RANBP2: variants seen among roughly 807,000 people sequenced by gnomAD.
The protein encoded by RANBP2 is E3 SUMO-protein ligase RanBP2.
RANBP2 carries 57 observed loss-of-function variants against 303.6 expected under a neutral mutation model. The observed-to-expected ratio is 0.19, with a 90% confidence interval of 0.15 to 0.23. The LOEUF is 0.23. Among genes scored for constraint, RANBP2 ranks in the 10% least tolerant of loss-of-function variants. The probability of loss-of-function intolerance (pLI) is 1.00; values close to 1 mark genes in which losing one functional copy is unlikely to be tolerated. For missense variants in RANBP2, 3,138 were observed against 3,780.8 expected (o/e 0.83, Z 4.46); for synonymous variants, 1,167 against 1,301.5 (o/e 0.90, Z 2.23).
chr2:108,784,244 A>G lies in RANBP2; in HGVS notation c.*343A>G, dbSNP rs756337659. ...TTTTAATTCCTTTTAAGATATTTGG[A>G]CTTCCTGCATGGATATACTTACCAT... On this transcript the variant is annotated 3_prime_UTR_variant, in exon 29 of 29. Coordinates refer to ENST00000283195, the MANE Select transcript of RANBP2 (RefSeq NM_006267.5). The G allele has an allele frequency of 1.0e-5, 2 of 200,502 alleles. No individual in the cohort carries two copies. Among genetic ancestry groups the G allele is most frequent in the Non-Finnish European group, 2.1e-5 (2 of 97,050 alleles). The allele number at this position is 200,502 out of a possible 1,614,324, so 12.4% of individuals were successfully genotyped here.
chr2:109,481,153 A>T, the RANBP2 span, among the ~76,000 whole-genome samples: 1 of 152,328 alleles, frequency 6.6e-6, no homozygotes, highest in East Asian at 1.9e-4. Flanking sequence ...CAAGAAATCC[A>T]TGAGAGGGGA....
In RANBP2 at chr2:108,764,791, C is replaced by G; in HGVS notation, c.4252C>G (p.His1418Asp). The G allele has an allele frequency of 6.2e-7, 1 of 1,613,994 alleles. No individual in the cohort carries two copies. ...FALVTPKKEG[H>D]WDCSICLVRN... is the part of the protein sequence containing the mutation. ...ATTGGTGACTCCAAAGAAAGAAGGT[C>G]ACTGGGATTGTAGTATTTGTTTAGT... The change falls in exon 20 of 29, where the codon CAC becomes GAC. Residue 1418 changes from histidine to aspartate, a missense_variant. Coordinates refer to ENST00000283195, the MANE Select transcript of RANBP2 (RefSeq NM_006267.5).
At chr2:109,318,709 G>T in the RANBP2 span, among the ~76,000 whole-genome samples, 5 of 152,118 alleles carry the variant, frequency 3.3e-5, no homozygotes, top group East Asian at 7.7e-4. Context: ...GCCAGAATCC[G>T]GGGCTGCCCT....
the RANBP2 span, among the ~76,000 whole-genome samples, chr2:108,843,713 G>C: frequency 6.6e-6 from 1 of 151,846 alleles, no homozygotes; most frequent in East Asian, 1.9e-4. Flanking sequence ...TTATAAGTTT[G>C]ACTATGATGG....
Position 108,764,528 on chromosome 2 carries a change from A to C in RANBP2, c.3989A>C (p.Asp1330Ala), listed in dbSNP as rs762478991. The C allele has an allele frequency of 6.2e-7, 1 of 1,614,018 alleles. No individual in the cohort carries two copies. Among genetic ancestry groups the C allele is most frequent in the Non-Finnish European group, 8.5e-7 (1 of 1,179,948 alleles). The change falls in exon 20 of 29, where the codon GAT (aspartate) becomes GCT (alanine). Residue 1330 changes from aspartate to alanine, a missense_variant. By Grantham distance (126) the Asp-to-Ala change is moderately radical (BLOSUM62 -2). Coordinates refer to ENST00000283195, the MANE Select transcript of RANBP2 (RefSeq NM_006267.5). The stretch of plus-strand genomic sequence containing the variant: ...ATTGTAAAAGAACCCACAAGTCATG[A>C]TAACAAGGATATTTGCAAATCTGAT... ...VRIVKEPTSH[D>A]NKDICKSDAG...
chr2:109,607,288 T>C, the RANBP2 span, among the ~76,000 whole-genome samples: 29 of 152,226 alleles, frequency 1.9e-4, no homozygotes, highest in Non-Finnish European at 4.1e-4. Context: ...AGTAAGTTCT[T>C]GAATGCCTCA....
the RANBP2 span, among the ~76,000 whole-genome samples, chr2:108,919,459 A>G: frequency 1.3e-5 from 2 of 152,164 alleles, no homozygotes; most frequent in Non-Finnish European, 1.5e-5. Flanking sequence ...CCCAGGTTCC[A>G]GTGATTCTCC....
chr2:108,786,910 G>A (rs1678882711), downstream of RANBP2: 4 of 1,534,560 alleles, frequency 2.6e-6, no homozygotes, highest in African/African-American at 4.3e-5. Context: ...CAGCTGCCCC[G>A]ACGAGGTGAA....
the RANBP2 span, chr2:109,585,339 A>C: frequency 1.3e-6 from 2 of 1,575,724 alleles, no homozygotes; most frequent in Non-Finnish European, 1.7e-6. Context: ...ACACAAAGGT[A>C]CATCTTTATG....
the RANBP2 span, among the ~76,000 whole-genome samples, chr2:109,450,121 G>A: frequency 1.7e-4 from 26 of 152,160 alleles, no homozygotes; most frequent in Non-Finnish European, 2.9e-4. Flanking sequence ...TGAGGCGGGC[G>A]GATCACCTGA....
rs141457383 is a variant in RANBP2, at chr2:108,765,131, C to T, written c.4592C>T (p.Thr1531Ile). The change falls in exon 20 of 29, where the codon ACT becomes ATT. Residue 1531 changes from threonine (T) to isoleucine (I), a missense_variant. Transcript: ENST00000283195. ...FKFGTSETSK[T>I]LKSGFEDMFA... is the part of the protein sequence containing the mutation. ...TTTGGTACTTCAGAGACAAGTAAAA[C>T]TCTAAAAAGTGGATTTGAAGACATG... The T allele has an allele frequency of 1.5e-5, 24 of 1,613,972 alleles. No individual in the cohort carries two copies. In the African/African-American group the frequency reaches 2.8e-4, roughly 19 times the overall value.
rs769735026 is a variant in RANBP2, at chr2:108,775,840, A to G, written c.8401A>G (p.Lys2801Glu). The G allele has an allele frequency of 3.1e-6, 5 of 1,613,672 alleles. No homozygotes were observed. Residue 2801 changes from lysine (K) to glutamate (E), a missense_variant, in exon 24 of 29, where the codon AAA becomes GAA. Around this residue, in one of 20 missense-constraint regions of RANBP2, gnomAD observed 497 missense variants for 465.8 expected, o/e 1.07. Transcript: ENST00000283195. Reference protein sequence around the residue: ...CKSEEPDSITKSISSPSVSSE... With the variant: ...CKSEEPDSITESISSPSVSSE... ...ATCTGAAGAACCTGATTCTATTACC[A>G]AATCCATTAGTTCACCATCTGTTTC...
the RANBP2 span, among the ~76,000 whole-genome samples, chr2:109,472,412 C>T: frequency 6.6e-6 from 1 of 152,112 alleles, no homozygotes; most frequent in South Asian, 2.1e-4. Context: ...AAGAGGAAAT[C>T]CAAACCATCC....
At chr2:108,892,859 T>A in the RANBP2 span, among the ~76,000 whole-genome samples, 1 of 152,232 alleles carries the variant, frequency 6.6e-6, no homozygotes, top group Admixed American at 6.5e-5. Context: ...CTCTGTTGAA[T>A]TCCAGTGTTC....
At chr2:109,449,367 A>G in the RANBP2 span, 2 of 1,609,536 alleles carry the variant, frequency 1.2e-6, no homozygotes, top group African/African-American at 1.3e-5. Context: ...ATCAGCCATC[A>G]CACCTCCCAA....
At chr2:109,150,689 T>C in the RANBP2 span, among the ~76,000 whole-genome samples, 1 of 152,008 alleles carries the variant, frequency 6.6e-6, no homozygotes, top group Non-Finnish European at 1.5e-5. Context: ...TCTACATTTC[T>C]GGGGGATTGG....
the RANBP2 span, among the ~76,000 whole-genome samples, chr2:109,576,497 A>G: frequency 3.9e-5 from 6 of 152,198 alleles, no homozygotes; most frequent in Non-Finnish European, 5.9e-5. Flanking sequence ...AGTGATTATT[A>G]TAACAACAGT....
chr2:109,207,430 C>T, the RANBP2 span, among the ~76,000 whole-genome samples: 1 of 152,022 alleles, frequency 6.6e-6, no homozygotes, highest in African/African-American at 2.4e-5. Flanking sequence ...TTGGCAGTTT[C>T]GATTTTGAAA....
At chr2:109,251,357 G>C in the RANBP2 span, 2 of 586,794 alleles carry the variant, frequency 3.4e-6, no homozygotes, top group East Asian at 3.6e-5. Context: ...CCGGCCTGCC[G>C]CGGGAGCATG....
Sources: allele counts gnomAD v4.1 joint callset (sites outside exome capture counted in the v4.1 genomes callset), GRCh38; gene constraint gnomAD v4.1.1; regional missense constraint gnomAD v4.1.1; transcripts MANE v1.5; gene names NCBI Gene and HGNC (gene_info 2026-07-23, HGNC 2026-07-21).